EIF2AK3: variants seen among roughly 807,000 people sequenced by gnomAD.
EIF2AK3 encodes the protein eukaryotic translation initiation factor 2-alpha kinase 3.
EIF2AK3 carries 50 observed loss-of-function variants against 113.5 expected under a neutral mutation model. That is an observed-to-expected ratio of 0.44 (90% CI 0.35 to 0.56). The LOEUF is 0.56. Among genes scored for constraint, EIF2AK3 ranks in the 20% least tolerant of loss-of-function variants. The pLI is 0.00. For missense variants in EIF2AK3, 1,185 were observed against 1,378.0 expected (o/e 0.86, Z 2.22); for synonymous variants, 448 against 495.4 (o/e 0.90, Z 1.27).
chr2:88,577,010 GTCTT>G (rs1674479357), intron 11 of EIF2AK3, among the ~76,000 whole-genome samples: 1 of 151,178 alleles, frequency 6.6e-6, no homozygotes, highest in Non-Finnish European at 1.5e-5. Context: ...TTGAGACAGG[GTCTT>G]GCTCTGTCAC....
rs1041989941 is a variant in EIF2AK3, at chr2:88,609,030, G to A, written c.438+4694C>T. On this transcript the variant is annotated intron_variant, in intron 2 of 16. Transcript: ENST00000303236. ...ATTACAGGTGTGAGCCACCGCGCCCGGCCTTGATGATCCTTTTGTGGTGTT... is the reference window on the plus strand; with the variant it reads ...ATTACAGGTGTGAGCCACCGCGCCCAGCCTTGATGATCCTTTTGTGGTGTT... 6.2e-4 allele frequency among the ~76,000 whole-genome samples: 94 copies of A among 151,654 alleles called. 1 individual carries two copies. The highest frequency in any genetic ancestry group is 2.0e-3 in the African/African-American group (84 of 41,334).
intron 13 of EIF2AK3, among the ~76,000 whole-genome samples, chr2:88,572,823 C>T (rs959389994): frequency 4.6e-5 from 7 of 152,030 alleles, no homozygotes; most frequent in African/African-American, 1.7e-4. Flanking sequence ...TGGTTCATAC[C>T]CCATAGAAAC....
intron 2 of EIF2AK3, among the ~76,000 whole-genome samples, chr2:88,608,697 TTTC>T (rs1427238307): frequency 2.1e-5 from 3 of 139,636 alleles, no homozygotes; most frequent in Admixed American, 1.5e-4. Flanking sequence ...CAGTTTTTGA[TTTC>T]TTTTTTTTTT....
chr2:88,612,096 C>T (rs1203592000), intron 2 of EIF2AK3, among the ~76,000 whole-genome samples: 2 of 152,182 alleles, frequency 1.3e-5, no homozygotes, highest in African/African-American at 2.4e-5. Context: ...AATATAACGG[C>T]TATGTGTAAG....
At chr2:88,583,028 G>GT (rs1180289631) in intron 10 of EIF2AK3, among the ~76,000 whole-genome samples, 1 of 151,870 alleles carries the variant, frequency 6.6e-6, no homozygotes, top group Admixed American at 6.6e-5. Context: ...TTCTATTAGT[G>GT]TTTTTTTCCC....
rs754710304 is a variant in EIF2AK3 at position 88,562,357 on chromosome 2, T to C, written c.3019A>G (p.Ile1007Val). The change falls in exon 15 of 17, where the codon ATC becomes GTC. Residue 1007 changes from isoleucine (I) to valine (V), a missense_variant. Ile to Val is a conservative substitution (Grantham distance 29, BLOSUM62 3). This residue lies in a region of EIF2AK3 where 877 missense variants were observed against 1,024.2 expected (regional missense o/e 0.86). Transcript: ENST00000303236. ...AATAGAATCAGGCCTAAAGAAAAGA[T>C]GTCCACTTTATGAGAATAGCTGTTT... ...HGNSYSHKVD[I>V]FSLGLILFEL... is the part of the protein sequence containing the mutation. 5 of 1,614,084 alleles carry C rather than the reference T, an allele frequency of 3.1e-6. No homozygotes were observed. The highest frequency in any genetic ancestry group is 4.2e-6 in the Non-Finnish European group (5 of 1,179,972).
intron 13 of EIF2AK3, among the ~76,000 whole-genome samples, chr2:88,573,127 G>A (rs964693453): frequency 6.8e-6 from 1 of 146,772 alleles, no homozygotes; most frequent in Admixed American, 6.7e-5. Context: ...TTTTTTTTTG[G>A]TTGGGGGTGG....
At chr2:88,603,254 C>A (rs1675197414) in intron 2 of EIF2AK3, among the ~76,000 whole-genome samples, 1 of 152,188 alleles carries the variant, frequency 6.6e-6, no homozygotes, top group Non-Finnish European at 1.5e-5. Flanking sequence ...TACAAAATGT[C>A]TCACGTTTCC....
rs567991599 is a variant in EIF2AK3 at position 88,590,994 on chromosome 2, C to G, written c.826G>C (p.Ala276Pro). 1 of 1,614,130 alleles carries G rather than the reference C, an allele frequency of 6.2e-7. No homozygotes were observed. The highest frequency in any genetic ancestry group is 1.1e-5 in the South Asian group (1 of 91,082). The change falls in exon 5 of 17, where the codon GCC becomes CCC. Residue 276 changes from alanine to proline, a missense_variant. Transcript: ENST00000303236. Reference sequence around the variant, plus strand: ...TTAAAGGTGCTTTCAATAAATCCGGCTCTCGTTTCCATGTCTGGAATATAC... The same window carrying G: ...TTAAAGGTGCTTTCAATAAATCCGGGTCTCGTTTCCATGTCTGGAATATAC... ...LRYIPDMETR[A>P]GFIESTFKPN...
intron 1 of EIF2AK3, among the ~76,000 whole-genome samples, chr2:88,619,955 CAA>C (rs35076573): frequency 0.21 from 25,176 of 119,486 alleles, 2,451 homozygotes; most frequent in East Asian, 0.32. Context: ...GACTCCGTCT[CAA>C]AAAAAAAAAA....
chr2:88,564,923 T>A (rs977730831), intron 14 of EIF2AK3, among the ~76,000 whole-genome samples: 1 of 152,162 alleles, frequency 6.6e-6, no homozygotes, highest in Non-Finnish European at 1.5e-5. Flanking sequence ...GAGCCTTCAT[T>A]AATAAGCATC....
At position 88,627,096 on chromosome 2, in the gene EIF2AK3, G is replaced by A; in HGVS notation, c.179C>T (p.Pro60Leu). ...GGCCGCAGCCACGGCGCCCGCCGCC[G>A]GTACTCGCGTCGCTGAGGTGGGAGC... ...AAAPTSATRV[P>L]AAGAVAAAEV... The change falls in exon 1 of 17, where the codon CCG (proline) becomes CTG (leucine). Residue 60 changes from proline (P) to leucine (L), a missense_variant. This residue lies in a region of EIF2AK3 where 189 missense variants were observed against 175.2 expected (regional missense o/e 1.08). Transcript: ENST00000303236. The A allele has an allele frequency of 6.5e-7, 1 of 1,547,732 alleles. No individual in the cohort carries two copies. The highest frequency in any genetic ancestry group is 2.1e-4 in the Middle Eastern group (1 of 4,758).
chr2:88,559,863 G>A (rs1673896923), intron 15 of EIF2AK3, among the ~76,000 whole-genome samples: 1 of 152,086 alleles, frequency 6.6e-6, no homozygotes, highest in Non-Finnish European at 1.5e-5. Flanking sequence ...ATCAGCTGAT[G>A]AGCATTTTGG....
chr2:88,598,090 T>G (rs1675061055), intron 2 of EIF2AK3, among the ~76,000 whole-genome samples: 1 of 152,130 alleles, frequency 6.6e-6, no homozygotes, highest in African/African-American at 2.4e-5. Context: ...ACTGGCCAAA[T>G]CTGGGACAAT....
chr2:88,557,505 A>G lies in EIF2AK3; in HGVS notation c.*231T>C, dbSNP rs927590224. 3 of 564,736 alleles carry G rather than the reference A, an allele frequency of 5.3e-6. No homozygotes were observed. Among genetic ancestry groups the G allele is most frequent in the Non-Finnish European group, 9.4e-6 (3 of 317,510 alleles). The allele number at this position is 564,736 out of a possible 1,614,324, so 35.0% of individuals were successfully genotyped here. On this transcript the variant is annotated 3_prime_UTR_variant, in exon 17 of 17. Transcript: ENST00000303236. ...AAAGCTTGGCCAGCAGCCAGTTTCA[A>G]GAGACTAACAAAGAACAAAGATAGC...
rs183945042 is a variant in EIF2AK3, at chr2:88,561,252, C to T, written c.3087+1037G>A. On this transcript the variant is annotated intron_variant, in intron 15 of 16. Coordinates refer to ENST00000303236, the MANE Select transcript of EIF2AK3 (RefSeq NM_004836.7). ...TAGAGGTGTGAGCCACCATGCCTGG[C>T]CAGAGGGCTACTTTTTTTTTTTTTT... Among the ~76,000 whole-genome samples, 6 of 150,422 alleles carry T rather than the reference C, an allele frequency of 4.0e-5. No individual in the cohort carries two copies. In the East Asian group the frequency reaches 1.2e-3, roughly 30 times the overall value.
At position 88,557,598 on chromosome 2, in the gene EIF2AK3, A is replaced by AATT. The variant is rs929379793; in HGVS notation, c.*135_*137dup. 2.2e-5 allele frequency: 20 copies of AATT among 929,062 alleles called. No individual in the cohort carries two copies. The African/African-American group carries it at 3.1e-4, about 14-fold the overall frequency. The allele number at this position is 929,062 out of a possible 1,614,324, so 57.6% of individuals were successfully genotyped here. ...AGGTTATGCCCCCAAATCCAGCTTA[A>AATT]ATTTGATATAAAAAAAGTAGTCCAC... is the stretch of plus-strand genomic sequence containing the variant. On this transcript the variant is annotated 3_prime_UTR_variant, in exon 17 of 17. Transcript: ENST00000303236.
At chr2:88,593,444 G>A (rs1362317364) in intron 3 of EIF2AK3, 39 bp from the exon 4 acceptor site, 1 of 1,609,840 alleles carries the variant, frequency 6.2e-7, no homozygotes, top group Admixed American at 1.7e-5. Context: ...AGTAAAAGGA[G>A]ACAACTCATA....
intron 2 of EIF2AK3, among the ~76,000 whole-genome samples, chr2:88,611,865 C>T (rs781727307): frequency 1.1e-4 from 16 of 152,042 alleles, no homozygotes; most frequent in Non-Finnish European, 1.0e-4. Context: ...CCTTGTGATC[C>T]GCCCGCCTCA....
Sources: allele counts gnomAD v4.1 joint callset (sites outside exome capture counted in the v4.1 genomes callset), GRCh38; gene constraint gnomAD v4.1.1; regional missense constraint gnomAD v4.1.1; transcripts MANE v1.5; gene names NCBI Gene and HGNC (gene_info 2026-07-23, HGNC 2026-07-21).